Variants in PTPRB observed in about 807,000 individuals in gnomAD.
PTPRB encodes the protein protein tyrosine phosphatase receptor type B, also known as receptor-type tyrosine-protein phosphatase beta.
Under a neutral mutation model 238.1 loss-of-function variants are expected in PTPRB, and 97 were observed. The ratio of observed to expected loss-of-function variants is 0.41; its 90% CI spans 0.35 to 0.48. The LOEUF (loss-of-function observed/expected upper bound fraction) is 0.48, where lower values mean the gene tolerates loss of function less well. PTPRB is among the 20% of genes least tolerant of loss of function. PTPRB has a pLI of 0.30. For missense variants in PTPRB, 2,292 were observed against 2,681.9 expected (o/e 0.85, Z 3.21); for synonymous variants, 970 against 995.4 (o/e 0.97, Z 0.48).
rs1386901804 is a variant in PTPRB at position 70,592,425 on chromosome 12, C to G, written c.1637G>C (p.Gly546Ala). Residue 546 changes from glycine (G) to alanine (A), a missense_variant, in exon 7 of 34, where the codon GGG becomes GCG. Physicochemically the swap from Gly to Ala is moderately conservative, Grantham distance 60 (BLOSUM62 0). Transcript: ENST00000334414. Reference protein sequence around the residue: ...DSYNITLSHKGTIKESRVLAP... With the variant: ...DSYNITLSHKATIKESRVLAP... ...TAATACTCTGGATTCCTTGATGGTC[C>G]CTTTGTGAGACAGGGTGATATTGTA... 3 of 1,613,736 alleles carry G rather than the reference C, an allele frequency of 1.9e-6. No homozygotes were observed. In the Admixed American group the frequency reaches 5.0e-5, roughly 27 times the overall value.
Position 70,592,513 on chromosome 12 carries a change from T to C in PTPRB, c.1549A>G (p.Asn517Asp). The part of the protein sequence containing the change: ...PMEVSNLKVT[N>D]DGSLTSLKVK... ...TTTAGAGAGGTCAAACTGCCATCAT[T>C]TGTCACCTTCAGATTTGAGACTTCC... The change falls in exon 7 of 34, where the codon AAT becomes GAT. Residue 517 changes from asparagine to aspartate, a missense_variant. This residue lies in a region of PTPRB where 1,205 missense variants were observed against 1,287.8 expected (regional missense o/e 0.94). Coordinates refer to ENST00000334414, the MANE Select transcript of PTPRB (RefSeq NM_001109754.4). 6.2e-7 allele frequency: 1 copy of C among 1,613,846 alleles called. No individual in the cohort carries two copies. The highest frequency in any genetic ancestry group is 8.5e-7 in the Non-Finnish European group (1 of 1,179,832).
chr12:70,552,167 A>G (rs1172004086), intron 21 of PTPRB, among the ~76,000 whole-genome samples: 1 of 152,202 alleles, frequency 6.6e-6, no homozygotes, highest in Admixed American at 6.5e-5. Context: ...TGAGCAAAGT[A>G]AAGTATTGGA....
intron 28 of PTPRB, among the ~76,000 whole-genome samples, chr12:70,537,300 A>G (rs1279294580): frequency 6.6e-6 from 1 of 151,504 alleles, no homozygotes; most frequent in Non-Finnish European, 1.5e-5. Flanking sequence ...AAAAAAAAAA[A>G]AAAAAAAAGA....
At chr12:70,576,748 G>A (rs1272722364) in intron 10 of PTPRB, 103 bp from the exon 11 acceptor site, 5 of 653,800 alleles carry the variant, frequency 7.6e-6, no homozygotes, top group Admixed American at 2.6e-5. Context: ...AGCACAAACC[G>A]TGGACTCACT....
chr12:70,572,054 T>G lies in PTPRB; in HGVS notation c.2876A>C (p.Asn959Thr), dbSNP rs1750618429. The change falls in exon 12 of 34, where the codon AAC (asparagine) becomes ACC (threonine). Residue 959 changes from asparagine (N) to threonine (T), a missense_variant. Around this residue, in one of 4 missense-constraint regions of PTPRB, gnomAD observed 1,205 missense variants for 1,287.8 expected, o/e 0.94. Transcript: ENST00000334414. ...PDKVQGVSVS[N>T]SARSDYLRVS... ...CCTTAAATAGTCACTCCTGGCTGAG[T>G]TGCTAACACTGACTCCCTGGACTTT... is the stretch of plus-strand genomic sequence containing the variant. 4 of 1,613,404 alleles carry G rather than the reference T, an allele frequency of 2.5e-6. No homozygotes were observed. Among genetic ancestry groups the G allele is most frequent in the South Asian group, 2.2e-5 (2 of 91,014 alleles).
In PTPRB at chr12:70,576,662, TGGGGGGC is replaced by T. The variant is rs1880753908; in HGVS notation, c.2579-24_2579-18del. On this transcript the variant is annotated intron_variant, in intron 10 of 33. Transcript: ENST00000334414. The stretch of plus-strand genomic sequence containing the variant: ...TGGAAGGGACTGTGATTTTGAAAGG[TGGGGGGC>T]GGGGGGGGGGGGGAAGGGGGATTCA... 2 of 14,782 alleles carry T rather than the reference TGGGGGGC, an allele frequency of 1.4e-4. No homozygotes were observed. 0.9% of individuals were successfully genotyped at this position (14,782 alleles called of 1,614,324 possible). A position where few individuals can be genotyped will look rare whatever the true frequency, so the allele number is the denominator to read the frequency against.
chr12:70,521,429 G>A lies in PTPRB; in HGVS notation c.*60C>T. The A allele has an allele frequency of 6.9e-7, 1 of 1,448,236 alleles. No homozygotes were observed. The highest frequency in any genetic ancestry group is 9.3e-7 in the Non-Finnish European group (1 of 1,078,936). 89.7% of individuals were successfully genotyped at this position (1,448,236 alleles called of 1,614,324 possible). On this transcript the variant is annotated 3_prime_UTR_variant, in exon 34 of 34. Transcript: ENST00000334414. ...GGCACCTCTGTAGGGCATGAAGCAAGTTTTTAAAAACAAATCACACAGTGA... is the reference window on the plus strand; with the variant it reads ...GGCACCTCTGTAGGGCATGAAGCAAATTTTTAAAAACAAATCACACAGTGA...
chr12:70,623,142 AAGATTGAC>A (rs1446700610), intron 2 of PTPRB, among the ~76,000 whole-genome samples: 2 of 152,182 alleles, frequency 1.3e-5, no homozygotes, highest in African/African-American at 4.8e-5. Flanking sequence ...CTTCACCACA[AAGATTGAC>A]AGTTCCTTGG....
In PTPRB at chr12:70,563,089, T is replaced by C. The variant is rs968067123; in HGVS notation, c.3923A>G (p.Asp1308Gly). ...GGTGGAGTTCTCTGTGATCCTCAGGTCGGTGACAGCTGCTGGGACTGGAAA... is the reference window on the plus strand; with the variant it reads ...GGTGGAGTTCTCTGTGATCCTCAGGCCGGTGACAGCTGCTGGGACTGGAAA... ...EGRTVPAAVT[D>G]LRITENSTRH... Residue 1308 changes from aspartate (D) to glycine (G), a missense_variant, in exon 16 of 34, where the codon GAC (aspartate) becomes GGC (glycine). Transcript: ENST00000334414. 6.2e-7 allele frequency: 1 copy of C among 1,612,728 alleles called. No individual in the cohort carries two copies. Among genetic ancestry groups the C allele is most frequent in the Non-Finnish European group, 8.5e-7 (1 of 1,179,428 alleles).
intron 3 of PTPRB, among the ~76,000 whole-genome samples, chr12:70,613,009 G>C (rs1380819355): frequency 6.6e-6 from 1 of 152,070 alleles, no homozygotes; most frequent in Non-Finnish European, 1.5e-5. Flanking sequence ...TTAATTATGA[G>C]TTCATGGCTA....
intron 28 of PTPRB, 135 bp downstream of exon 28, chr12:70,538,017 TGGC>T: frequency 1.6e-6 from 1 of 620,930 alleles, no homozygotes; most frequent in South Asian, 2.6e-5. Flanking sequence ...ATTTTTTTTA[TGGC>T]ATTCAGATGT....
rs1206313967 is a variant in PTPRB, at chr12:70,626,285, GTCTATCCATCCATCTATCTA to G, written c.452-3659_452-3640del. Among the ~76,000 whole-genome samples the G allele has an allele frequency of 3.7e-4, 53 of 142,682 alleles. 3 individuals are homozygous for G. The highest frequency in any genetic ancestry group is 1.3e-3 in the African/African-American group (51 of 38,518). 93.6% of individuals were successfully genotyped at this position (142,682 alleles called of 152,430 possible). ...AGGAGATACTTTAGAAAAGGATGATGTCTATCCATCCATCTATCTATCTATCTATCTATCTATCTATCTAT... is the reference window on the plus strand; with the variant it reads ...AGGAGATACTTTAGAAAAGGATGATGTCTATCTATCTATCTATCTATCTAT... On this transcript the variant is annotated intron_variant, in intron 2 of 33. Transcript: ENST00000334414.
chr12:70,550,775 A>G (rs1876757808), intron 21 of PTPRB, among the ~76,000 whole-genome samples: 1 of 152,200 alleles, frequency 6.6e-6, no homozygotes, highest in Non-Finnish European at 1.5e-5. Context: ...TTCCATAAGT[A>G]AACAAACTAA....
At chr12:70,620,669 A>T (rs1203977027) in intron 3 of PTPRB, among the ~76,000 whole-genome samples, 1 of 152,192 alleles carries the variant, frequency 6.6e-6, no homozygotes, top group African/African-American at 2.4e-5. Context: ...AAGTGGTGAT[A>T]CTATTCAGCC....
intron 33 of PTPRB, among the ~76,000 whole-genome samples, chr12:70,523,354 G>C (rs1054705011): frequency 6.6e-6 from 1 of 152,070 alleles, no homozygotes; most frequent in Non-Finnish European, 1.5e-5. Context: ...GTCTCACTTT[G>C]CTGCCCAGGC....
At chr12:70,555,378 A>C (rs1877502326) in intron 19 of PTPRB, 69 bp from the exon 20 acceptor site, 1 of 1,398,218 alleles carries the variant, frequency 7.2e-7, no homozygotes, top group Non-Finnish European at 9.9e-7. Context: ...AACAACAGTT[A>C]GTGAAATGAA....
chr12:70,556,292 A>G (rs946288404), intron 18 of PTPRB, 144 bp from the exon 19 acceptor site: 10 of 754,776 alleles, frequency 1.3e-5, no homozygotes, highest in Admixed American at 8.8e-5. Context: ...ACCCTAGCAG[A>G]GACACATGAG....
At chr12:70,532,996 G>T (rs1363111596) in intron 31 of PTPRB, among the ~76,000 whole-genome samples, 1 of 152,048 alleles carries the variant, frequency 6.6e-6, no homozygotes, top group African/African-American at 2.4e-5. Context: ...TAATCCAGTG[G>T]CAGTGAGATC....
At chr12:70,635,641 T>C (rs1420500394) in intron 2 of PTPRB, 30 bp downstream of exon 2, 2 of 1,589,334 alleles carry the variant, frequency 1.3e-6, no homozygotes, top group Admixed American at 3.6e-5. Flanking sequence ...AGAAAGACTT[T>C]CAGGATTTGC....
Sources: allele counts gnomAD v4.1 joint callset (sites outside exome capture counted in the v4.1 genomes callset), GRCh38; gene constraint gnomAD v4.1.1; regional missense constraint gnomAD v4.1.1; transcripts MANE v1.5; gene names NCBI Gene and HGNC (gene_info 2026-07-23, HGNC 2026-07-21).